ARMC6: variants seen among roughly 807,000 people sequenced by gnomAD.
ARMC6 encodes the protein armadillo repeat-containing protein 6.
ARMC6 carries 43 observed loss-of-function variants against 49.2 expected under a neutral mutation model. The ratio of observed to expected loss-of-function variants is 0.87; its 90% CI spans 0.69 to 1.13. ARMC6 has a LOEUF of 1.13. ARMC6 is among the 50% of genes most tolerant of loss of function. The probability of loss-of-function intolerance (pLI) is 0.00; values close to 1 mark genes in which losing one functional copy is unlikely to be tolerated. For missense variants in ARMC6, 627 were observed against 682.0 expected, an observed-to-expected ratio of 0.92 and a Z score of 0.90; for synonymous variants, 262 against 289.6, an observed-to-expected ratio of 0.90 and a Z score of 0.97.
At position 19,055,398 on chromosome 19, in the gene ARMC6, T is replaced by C. The variant is rs758212812; in HGVS notation, c.1155+2T>C. ...ACCCAGCATCTGACCAGCCCCCAGG[T>C]ACCCACCTCGGGGGGCACACACAGT... On this transcript the variant is annotated splice_donor_variant, in intron 7 of 8. Transcript: ENST00000535612. LOFTEE classifies it high-confidence loss of function. The surrounding 1 kb of genome is among the most constrained non-coding windows in gnomAD (Gnocchi z 5.7). The C allele has an allele frequency of 6.3e-7, 1 of 1,599,316 alleles. No homozygotes were observed. The highest frequency in any genetic ancestry group is 8.5e-7 in the Non-Finnish European group (1 of 1,173,008).
intron 2 of ARMC6, among the ~76,000 whole-genome samples, chr19:19,037,965 T>G (rs1264073596): frequency 6.6e-6 from 1 of 152,052 alleles, no homozygotes; most frequent in Non-Finnish European, 1.5e-5. Flanking sequence ...GGTGAGCGAG[T>G]GAAGCTTCAT....
intron 8 of ARMC6, among the ~76,000 whole-genome samples, chr19:19,057,208 GT>G (rs1316706302): frequency 6.6e-6 from 1 of 152,272 alleles, no homozygotes; most frequent in Non-Finnish European, 1.5e-5. Context: ...CCCTGAGCCT[GT>G]TTCCTTGCCT....
In ARMC6 at chr19:19,054,237, C is replaced by T. The variant is rs750773205; in HGVS notation, c.939C>T (p.Val313=). ...TTCGCAACGAGTTCTGCCAGGAGGT[C>T]GTCGACCTCGGGGGCCTGAGCATTC... ...LAIRNEFCQE[V]VDLGGLSILV... is the part of the protein sequence containing the mutation. Residue 313 remains valine, a synonymous_variant, in exon 6 of 9, where the codon GTC becomes GTT. Coordinates refer to ENST00000535612, the MANE Select transcript of ARMC6 (RefSeq NM_001199196.2). The T allele has an allele frequency of 6.8e-6, 11 of 1,611,632 alleles. No individual in the cohort carries two copies. Among genetic ancestry groups the T allele is most frequent in the Admixed American group, 6.7e-5 (4 of 59,648 alleles).
chr19:19,041,444 G>A (rs987963406), intron 2 of ARMC6, among the ~76,000 whole-genome samples: 1 of 151,278 alleles, frequency 6.6e-6, no homozygotes, highest in Non-Finnish European at 1.5e-5. Context: ...TGCCTCCTGG[G>A]TTCAAATGAT....
chr19:19,043,371 G>A (rs1396058853), intron 3 of ARMC6, among the ~76,000 whole-genome samples: 1 of 152,166 alleles, frequency 6.6e-6, no homozygotes, highest in East Asian at 1.9e-4. Flanking sequence ...TCCTGGGCAG[G>A]GGCCACATGA....
chr19:19,053,103 C>T (rs370628171), intron 5 of ARMC6, among the ~76,000 whole-genome samples: 4 of 152,202 alleles, frequency 2.6e-5, no homozygotes, highest in South Asian at 4.1e-4. Flanking sequence ...CCAGGCAGTC[C>T]CCTTTTCGGG....
chr19:19,045,678 G>C (rs1046075735), intron 4 of ARMC6, among the ~76,000 whole-genome samples: 2 of 148,102 alleles, frequency 1.4e-5, no homozygotes, highest in African/African-American at 5.0e-5. Context: ...TTGAGACAGA[G>C]TCTCGCTCTG....
chr19:19,035,268 A>C (rs762537448), intron 2 of ARMC6, among the ~76,000 whole-genome samples: 10 of 152,094 alleles, frequency 6.6e-5, no homozygotes, highest in Non-Finnish European at 1.3e-4. Flanking sequence ...AGACTCCCAA[A>C]GCGCTGGGAT....
At chr19:19,056,553 C>T (rs2059546365) in intron 8 of ARMC6, among the ~76,000 whole-genome samples, 1 of 152,046 alleles carries the variant, frequency 6.6e-6, no homozygotes, top group Admixed American at 6.6e-5. Flanking sequence ...TGAGCCACCG[C>T]ACCCTTAATC....
chr19:19,042,754 A>G lies in ARMC6; in HGVS notation c.73A>G (p.Lys25Glu), dbSNP rs766115192. ...IGCTPTSTQA[K>E]MVSKRIAQET... The stretch of plus-strand genomic sequence containing the variant: ...CTGCACGCCAACATCAACACAGGCG[A>G]AGATGGTCTCCAAGCGCATTGCCCA... Residue 25 changes from lysine (K) to glutamate (E), a missense_variant, in exon 3 of 9, where the codon AAG (lysine) becomes GAG (glutamate). By Grantham distance (56) the Lys-to-Glu change is moderately conservative. Coordinates refer to ENST00000535612, the MANE Select transcript of ARMC6 (RefSeq NM_001199196.2). 1.9e-6 allele frequency: 3 copies of G among 1,613,848 alleles called. No homozygotes were observed. Among genetic ancestry groups the G allele is most frequent in the Non-Finnish European group, 2.5e-6 (3 of 1,180,034 alleles).
chr19:19,041,045 G>T (rs2059408178), intron 2 of ARMC6, among the ~76,000 whole-genome samples: 1 of 152,038 alleles, frequency 6.6e-6, no homozygotes, highest in Admixed American at 6.6e-5. Flanking sequence ...TGTTGTCCAG[G>T]CTAGTGTTGA....
At chr19:19,042,648 G>A in intron 2 of ARMC6, 63 bp from the exon 3 acceptor site, 1 of 1,577,728 alleles carries the variant, frequency 6.3e-7, no homozygotes. Context: ...TTTTCAAGGT[G>A]GCCAGGCCCT....
At chr19:19,042,994 C>CA in intron 3 of ARMC6, 117 bp downstream of exon 3, 1 of 1,335,888 alleles carries the variant, frequency 7.5e-7, no homozygotes, top group Non-Finnish European at 1.0e-6. Flanking sequence ...AACCAGGTGC[C>CA]ATTGGGCCCT....
In ARMC6 at chr19:19,055,874, G is replaced by A. The variant is rs761506360; in HGVS notation, c.1239G>A (p.Gly413=). 1.6e-5 allele frequency: 25 copies of A among 1,612,892 alleles called. No homozygotes were observed. Among genetic ancestry groups the A allele is most frequent in the Non-Finnish European group, 1.9e-5 (23 of 1,179,608 alleles). Residue 413 remains glycine (G), a synonymous_variant, in exon 8 of 9, where the codon GGG becomes GGA. Transcript: ENST00000535612. The surrounding 1 kb of genome is among the most constrained non-coding windows in gnomAD (Gnocchi z 5.7). Reference sequence around the variant, plus strand: ...GCCGCATCATCGTGGAGGGTGGCGGGGCTGTGGCAGCACTGCAGGCCATGA... The same window carrying A: ...GCCGCATCATCGTGGAGGGTGGCGGAGCTGTGGCAGCACTGCAGGCCATGA... ...DNSRIIVEGG[G]AVAALQAMKA...
At position 19,057,884 on chromosome 19, in the gene ARMC6, C is replaced by G. The variant is rs963359643; in HGVS notation, c.*256C>G. Reference sequence around the variant, plus strand: ...CGGATGTTACTGTCCTGCTCCTTCCCCCAGCCCCACGCCCTACCAGAGGGG... The same window carrying G: ...CGGATGTTACTGTCCTGCTCCTTCCGCCAGCCCCACGCCCTACCAGAGGGG... On this transcript the variant is annotated 3_prime_UTR_variant, in exon 9 of 9. Coordinates refer to ENST00000535612, the MANE Select transcript of ARMC6 (RefSeq NM_001199196.2). 2 of 627,468 alleles carry G rather than the reference C, an allele frequency of 3.2e-6. No individual in the cohort carries two copies. Among genetic ancestry groups the G allele is most frequent in the African/African-American group, 1.8e-5 (1 of 55,600 alleles). 38.9% of individuals were successfully genotyped at this position (627,468 alleles called of 1,614,324 possible). A position where few individuals can be genotyped will look rare whatever the true frequency, so the allele number is the denominator to read the frequency against.
chr19:19,047,704 G>C lies in ARMC6; in HGVS notation c.279+3630G>C, dbSNP rs571356266. ...AAATACTCTATAAAATATTTCAAGA[G>C]ATTTATTCGGAACCAAATATGAGTG... On this transcript the variant is annotated intron_variant, in intron 4 of 8. Coordinates refer to ENST00000535612, the MANE Select transcript of ARMC6 (RefSeq NM_001199196.2). 9.2e-5 allele frequency among the ~76,000 whole-genome samples: 14 copies of C among 152,322 alleles called. No homozygotes were observed. The South Asian group carries it at 2.9e-3, about 32-fold the overall frequency.
At chr19:19,045,889 G>A (rs555555048) in intron 4 of ARMC6, among the ~76,000 whole-genome samples, 2 of 152,252 alleles carry the variant, frequency 1.3e-5, no homozygotes, top group Admixed American at 1.3e-4. Context: ...CTGACCTCGT[G>A]ATCCGTCTGC....
At chr19:19,046,966 T>C (rs1461196110) in intron 4 of ARMC6, among the ~76,000 whole-genome samples, 1 of 147,508 alleles carries the variant, frequency 6.8e-6, no homozygotes, top group Middle Eastern at 3.4e-3. Flanking sequence ...TTTTTTTTTT[T>C]TTTTTGACAC....
At position 19,055,527 on chromosome 19, in the gene ARMC6, C is replaced by T; in HGVS notation, c.1155+131C>T. On this transcript the variant is annotated intron_variant, in intron 7 of 8. Coordinates refer to ENST00000535612, the MANE Select transcript of ARMC6 (RefSeq NM_001199196.2). The surrounding 1 kb of genome is among the most constrained non-coding windows in gnomAD (Gnocchi z 5.7). ...CTGGTGAGGGTCGTGGGCATTGGCTCTCAAATGCTGACCTGCGTATGCATG... is the reference window on the plus strand; with the variant it reads ...CTGGTGAGGGTCGTGGGCATTGGCTTTCAAATGCTGACCTGCGTATGCATG... The T allele has an allele frequency of 7.4e-7, 1 of 1,347,442 alleles. No homozygotes were observed. The highest frequency in any genetic ancestry group is 2.5e-5 in the East Asian group (1 of 40,580). The allele number at this position is 1,347,442 out of a possible 1,614,324, so 83.5% of individuals were successfully genotyped here.
Sources: gnomAD v4.1 joint callset for allele counts (sites outside exome capture counted in the v4.1 genomes callset) on GRCh38, gnomAD v4.1.1 for gene constraint, Gnocchi (gnomAD v3.1) non-coding constraint, MANE v1.5 for transcripts, NCBI Gene and HGNC (gene_info 2026-07-23, HGNC 2026-07-21) for gene names.